The following DNAH14 variants were observed in gnomAD, a reference collection of about 807,000 sequenced individuals.
The protein encoded by DNAH14 is axonemal beta dynein heavy chain 14.
Under a neutral mutation model 520.9 loss-of-function variants are expected in DNAH14, and 478 were observed. The observed-to-expected ratio is 0.92, with a 90% CI of 0.85 to 0.99. The LOEUF (loss-of-function observed/expected upper bound fraction) is 0.99, where lower values mean the gene tolerates loss of function less well. Among genes scored for constraint, DNAH14 ranks in the 50% least tolerant of loss-of-function variants. DNAH14 has a pLI of 0.00. For synonymous variants in DNAH14, 1,581 were observed against 1,757.2 expected (o/e 0.90, Z 2.51); for missense variants, 4,831 against 5,234.5 (o/e 0.92, Z 2.38).
At chr1:224,937,997 A>T (rs1402728750) in intron 1 of DNAH14, among the ~76,000 whole-genome samples, 1 of 152,180 alleles carries the variant, frequency 6.6e-6, no homozygotes, top group African/African-American at 2.4e-5. Flanking sequence ...GGATAACTCT[A>T]TGCAGAATAA....
intron 38 of DNAH14, among the ~76,000 whole-genome samples, chr1:225,201,454 A>C (rs904481099): frequency 6.6e-6 from 1 of 152,110 alleles, no homozygotes; most frequent in Admixed American, 6.6e-5. Flanking sequence ...TTCTCATACT[A>C]ACAGAGTTGG....
At chr1:224,992,365 A>T (rs2063118747) in intron 8 of DNAH14, among the ~76,000 whole-genome samples, 1 of 152,168 alleles carries the variant, frequency 6.6e-6, no homozygotes, top group African/African-American at 2.4e-5. Context: ...ATATTTTATC[A>T]TGTATTTGTG....
chr1:225,068,322 C>T (rs964281081), intron 17 of DNAH14, among the ~76,000 whole-genome samples: 26 of 152,164 alleles, frequency 1.7e-4, no homozygotes, highest in African/African-American at 5.3e-4. Context: ...TTTTCTTGTA[C>T]CAGTACCTTG....
At chr1:225,129,816 A>G (rs895808164) in intron 27 of DNAH14, among the ~76,000 whole-genome samples, 3 of 152,192 alleles carry the variant, frequency 2.0e-5, no homozygotes, top group Non-Finnish European at 4.4e-5. Context: ...AAATTGACAA[A>G]TGGAATCTAA....
chr1:225,159,281 G>T lies in DNAH14; in HGVS notation c.5274-33G>T, dbSNP rs567681713. 72 of 1,529,994 alleles carry T rather than the reference G, an allele frequency of 4.7e-5. No individual in the cohort carries two copies. In the African/African-American group the frequency reaches 9.1e-4, roughly 19 times the overall value. The allele number at this position is 1,529,994 out of a possible 1,614,324, so 94.8% of individuals were successfully genotyped here. On this transcript the variant is annotated intron_variant, in intron 34 of 85. Coordinates refer to ENST00000682510, the MANE Select transcript of DNAH14 (RefSeq NM_001367479.1). Reference sequence around the variant, plus strand: ...GTCTGCAGAGCAGACTCCCTAATTTGTTCTCTGTGTTTGTTTTCTTCTACC... The same window carrying T: ...GTCTGCAGAGCAGACTCCCTAATTTTTTCTCTGTGTTTGTTTTCTTCTACC...
At position 224,955,041 on chromosome 1, in the gene DNAH14, T is replaced by C. The variant is rs770907275; in HGVS notation, c.160T>C (p.Leu54=). Residue 54 remains leucine, a synonymous_variant, in exon 3 of 86, where the codon TTG becomes CTG. Coordinates refer to ENST00000682510, the MANE Select transcript of DNAH14 (RefSeq NM_001367479.1). ...AGCTGAAATAGCAGAAAAGGAAACA[T>C]TGGAATATAAAACAGTTAGAACATT... ...QPAEIAEKET[L]EYKTVRTFSE... is the part of the protein sequence containing the mutation. 120 of 1,611,590 alleles carry C rather than the reference T, an allele frequency of 7.4e-5. 1 individual carries two copies. The East Asian group carries it at 2.6e-3, about 35-fold the overall frequency.
At chr1:224,937,981 A>G (rs1415385760) in intron 1 of DNAH14, among the ~76,000 whole-genome samples, 1 of 152,160 alleles carries the variant, frequency 6.6e-6, no homozygotes, top group East Asian at 1.9e-4. Flanking sequence ...TGGTGTTAGG[A>G]AAGCTGGATA....
chr1:225,274,197 ATTTT>A (rs869247051), intron 52 of DNAH14, among the ~76,000 whole-genome samples: 21 of 92,880 alleles, frequency 2.3e-4, no homozygotes, highest in African/African-American at 8.0e-4. Context: ...AGCATCTGTT[ATTTT>A]TTTTTTTTTT....
rs1193870007 is a variant in DNAH14, at chr1:225,205,955, A to T, written c.5978-16A>T. 1 of 1,543,650 alleles carries T rather than the reference A, an allele frequency of 6.5e-7. No individual in the cohort carries two copies. ...GACATTAGTCTCAGTTACATTAAAAATATTTTTCTCTCCAGATTTTGATTG... is the reference window on the plus strand; with the variant it reads ...GACATTAGTCTCAGTTACATTAAAATTATTTTTCTCTCCAGATTTTGATTG... On this transcript the variant is annotated splice_polypyrimidine_tract_variant and intron_variant, in intron 39 of 85. Coordinates refer to ENST00000682510, the MANE Select transcript of DNAH14 (RefSeq NM_001367479.1).
At chr1:225,199,801 T>C (rs887273996) in intron 38 of DNAH14, among the ~76,000 whole-genome samples, 1 of 152,224 alleles carries the variant, frequency 6.6e-6, no homozygotes, top group Non-Finnish European at 1.5e-5. Flanking sequence ...ATGAATAGAA[T>C]GTATATTCTG....
At chr1:225,073,904 A>G (rs1007589159) in intron 17 of DNAH14, among the ~76,000 whole-genome samples, 5 of 150,576 alleles carry the variant, frequency 3.3e-5, no homozygotes, top group South Asian at 2.1e-4. Context: ...AATGTTCTCA[A>G]TCTCTTGACC....
At chr1:225,035,944 T>A (rs998861098) in intron 11 of DNAH14, among the ~76,000 whole-genome samples, 5 of 152,152 alleles carry the variant, frequency 3.3e-5, no homozygotes, top group Admixed American at 3.3e-4. Context: ...AGTCTCTAGC[T>A]ATTATTGTAT....
chr1:225,169,752 C>A (rs963879296), intron 36 of DNAH14, among the ~76,000 whole-genome samples: 3 of 152,120 alleles, frequency 2.0e-5, no homozygotes, highest in African/African-American at 7.2e-5. Context: ...CATTCAAATT[C>A]AGGAAATAAT....
intron 66 of DNAH14, among the ~76,000 whole-genome samples, chr1:225,335,214 T>G (rs1016402181): frequency 7.2e-6 from 1 of 139,010 alleles, no homozygotes; most frequent in South Asian, 2.4e-4. Flanking sequence ...CGTACATGTG[T>G]GTATATATGC....
intron 26 of DNAH14, among the ~76,000 whole-genome samples, chr1:225,120,348 A>T (rs1189058780): frequency 6.6e-6 from 1 of 152,204 alleles, no homozygotes; most frequent in African/African-American, 2.4e-5. Flanking sequence ...TCAAGCACTG[A>T]TCTTAGGCTT....
rs547226689 is a variant in DNAH14, at chr1:225,244,709, A to G, written c.6748+3887A>G. 2.6e-5 allele frequency among the ~76,000 whole-genome samples: 4 copies of G among 152,022 alleles called. No individual in the cohort carries two copies. In the East Asian group the frequency reaches 7.7e-4, roughly 29 times the overall value. ...GATCAGTGGTGATATCCCCTTCATC[A>G]TTTTTTATTGTATCTATTTGATTCA... On this transcript the variant is annotated intron_variant, in intron 43 of 85. Coordinates refer to ENST00000682510, the MANE Select transcript of DNAH14 (RefSeq NM_001367479.1).
At chr1:225,099,554 A>G (rs1203022510) in intron 22 of DNAH14, among the ~76,000 whole-genome samples, 1 of 152,092 alleles carries the variant, frequency 6.6e-6, no homozygotes, top group African/African-American at 2.4e-5. Context: ...CCCAGCCCCC[A>G]CACCAACCAG....
At chr1:225,065,961 T>C (rs1216709644) in intron 17 of DNAH14, among the ~76,000 whole-genome samples, 3 of 152,046 alleles carry the variant, frequency 2.0e-5, no homozygotes, top group Non-Finnish European at 4.4e-5. Context: ...AAGGGCAGTA[T>C]GAAATTATAT....
At chr1:225,051,412 T>G (rs2068524120) in intron 16 of DNAH14, 39 bp from the exon 17 acceptor site, 1 of 1,373,316 alleles carries the variant, frequency 7.3e-7, no homozygotes, top group African/African-American at 1.5e-5. Context: ...ACTCTTAAAA[T>G]AAAAATTCTG....
Sources: gnomAD v4.1 joint callset for allele counts (sites outside exome capture counted in the v4.1 genomes callset) on GRCh38, gnomAD v4.1.1 for gene constraint, MANE v1.5 for transcripts, NCBI Gene and HGNC (gene_info 2026-07-23, HGNC 2026-07-21) for gene names.